SVIL: variants seen among roughly 807,000 people sequenced by gnomAD.
SVIL encodes supervillin.
A neutral mutation model predicts 240.4 loss-of-function variants in SVIL; 101 were observed. The ratio of observed to expected loss-of-function variants is 0.42; its 90% CI spans 0.36 to 0.50. The LOEUF (loss-of-function observed/expected upper bound fraction) is 0.50, where lower values mean the gene tolerates loss of function less well. SVIL is among the 20% of genes least tolerant of loss of function. The pLI is 0.01. For synonymous variants in SVIL, 999 were observed against 1,100.0 expected (o/e 0.91, Z 1.82); for missense variants, 2,512 against 2,818.7 (o/e 0.89, Z 2.46).
At chr10:29,532,433 TGATTCAATGCAGAACACAACACAG>T (rs1951437421) in intron 8 of SVIL, 72 bp downstream of exon 8, 2 of 1,487,064 alleles carry the variant, frequency 1.3e-6, no homozygotes, top group Admixed American at 4.9e-5. Flanking sequence ...TAAGCTAATA[TGATTCAATGCAGAACACAACACAG>T]GTCGAGGAGT....
chr10:29,715,922 C>A (rs1409280428), intron 1 of SVIL, among the ~76,000 whole-genome samples: 1 of 152,214 alleles, frequency 6.6e-6, no homozygotes, highest in African/African-American at 2.4e-5. Flanking sequence ...AACTGAGGAA[C>A]TGAATGTCAA....
chr10:29,689,573 C>T (rs878896347), intron 1 of SVIL, among the ~76,000 whole-genome samples: 9 of 152,338 alleles, frequency 5.9e-5, no homozygotes, highest in Non-Finnish European at 8.8e-5. Context: ...CGCGAGCCAC[C>T]GCGCCCAGCC....
chr10:29,541,925 C>T (rs1207842837), intron 6 of SVIL, among the ~76,000 whole-genome samples: 1 of 152,138 alleles, frequency 6.6e-6, no homozygotes, highest in East Asian at 1.9e-4. Context: ...TACAAGAACC[C>T]CAATCCCAGA....
At chr10:29,674,132 A>G (rs1960021125) in intron 2 of SVIL, among the ~76,000 whole-genome samples, 1 of 152,008 alleles carries the variant, frequency 6.6e-6, no homozygotes, top group Non-Finnish European at 1.5e-5. Context: ...GGAGTTTGAG[A>G]CCAGTCTAGG....
At chr10:29,540,319 GGAGA>G (rs534778552) in intron 6 of SVIL, among the ~76,000 whole-genome samples, 1 of 152,110 alleles carries the variant, frequency 6.6e-6, no homozygotes. Flanking sequence ...GACAGCCTCT[GGAGA>G]GAGAGAGACT....
chr10:29,638,466 CA>C (rs1383425311), upstream of SVIL, among the ~76,000 whole-genome samples: 819 of 127,994 alleles, frequency 6.4e-3, 5 homozygotes, highest in Admixed American at 9.9e-3. Flanking sequence ...AACTCTGTCT[CA>C]AAAAAAAAAA....
intron 1 of SVIL, among the ~76,000 whole-genome samples, chr10:29,694,457 A>G (rs1193065219): frequency 6.6e-6 from 1 of 150,658 alleles, no homozygotes; most frequent in African/African-American, 2.5e-5. Flanking sequence ...AGCATTTCCC[A>G]AAATACAATT....
chr10:29,711,937 A>C (rs1203864311), intron 1 of SVIL: 4 of 146,956 alleles, frequency 2.7e-5, no homozygotes, highest in Non-Finnish European at 6.2e-5. Context: ...GGAATGATAT[A>C]CTAAAATTGG....
intron 1 of SVIL, among the ~76,000 whole-genome samples, chr10:29,589,720 G>GT (rs1956311931): frequency 6.6e-6 from 1 of 152,158 alleles, no homozygotes; most frequent in South Asian, 2.1e-4. Context: ...GGGGTCTGGA[G>GT]TTGCCGAGAG....
chr10:29,654,097 C>T (rs1316255343), intron 3 of SVIL, among the ~76,000 whole-genome samples: 1 of 152,098 alleles, frequency 6.6e-6, no homozygotes, highest in Admixed American at 6.5e-5. Flanking sequence ...AGATTTTTGA[C>T]AGAGATTGCA....
At chr10:29,730,008 T>G (rs1964529066) in intron 1 of SVIL, among the ~76,000 whole-genome samples, 1 of 149,510 alleles carries the variant, frequency 6.7e-6, no homozygotes, top group African/African-American at 2.5e-5. Flanking sequence ...TGGGCAACAT[T>G]TCTCTATAAT....
Position 29,622,249 on chromosome 10 carries a change from CAAAAAAAAAAA to C in SVIL, c.-201+12160_-201+12170del, listed in dbSNP as rs71020801. Among the ~76,000 whole-genome samples, 3 of 51,628 alleles carry C rather than the reference CAAAAAAAAAAA, an allele frequency of 5.8e-5. 1 individual carries two copies. Among genetic ancestry groups the C allele is most frequent in the Admixed American group, 5.6e-4 (2 of 3,588 alleles). The allele number at this position is 51,628 out of a possible 152,430, so 33.9% of individuals were successfully genotyped here. A position where few individuals can be genotyped will look rare whatever the true frequency, so the allele number is the denominator to read the frequency against. On this transcript the variant is annotated intron_variant, in intron 1 of 37. Coordinates refer to ENST00000355867, the MANE Select transcript of SVIL (RefSeq NM_021738.3). ...TGGGCGACAGAGTGAGACTCCGTCT[CAAAAAAAAAAA>C]AAAAAAAAAAAAAAAGAACCTTGGA...
intron 18 of SVIL, 21 bp from the exon 19 acceptor site, chr10:29,495,202 CT>C: frequency 7.4e-7 from 1 of 1,345,948 alleles, no homozygotes; most frequent in Non-Finnish European, 1.0e-6. Flanking sequence ...CACAGACGAG[CT>C]ACTGAGCATC....
In SVIL at chr10:29,487,282, T is replaced by C. The variant is rs1282014179; in HGVS notation, c.4366A>G (p.Thr1456Ala). 1.2e-6 allele frequency: 2 copies of C among 1,613,926 alleles called. No individual in the cohort carries two copies. Among genetic ancestry groups the C allele is most frequent in the African/African-American group, 2.7e-5 (2 of 74,902 alleles). ...GAAGCTCGAGGTTCCACCAGCCTGG[T>C]CTGCACATGTCTTCTTCCTGAACAC... ...LQIKGRRHVQ[T>A]RLVEPRASAL... is the part of the protein sequence containing the mutation. Residue 1456 changes from threonine to alanine, a missense_variant, in exon 24 of 38, where the codon ACC (threonine) becomes GCC (alanine). Physicochemically the swap from Thr to Ala is moderately conservative, Grantham distance 58 (BLOSUM62 0). Around this residue, in one of 3 missense-constraint regions of SVIL, gnomAD observed 272 missense variants for 406.8 expected, o/e 0.67. Transcript: ENST00000355867.
intron 29 of SVIL, 46 bp downstream of exon 29, chr10:29,480,491 C>T (rs372366102): frequency 2.0e-5 from 32 of 1,598,692 alleles, no homozygotes; most frequent in Middle Eastern, 2.3e-4. Flanking sequence ...GCAGGGCTGC[C>T]GGGCCAGCCT....
At chr10:29,576,026 G>A (rs1955680754) in intron 1 of SVIL, 1 of 844,328 alleles carries the variant, frequency 1.2e-6, no homozygotes, top group Non-Finnish European at 1.4e-6. Flanking sequence ...GGGTATAAAT[G>A]TGAGTTACAA....
Position 29,523,744 on chromosome 10 carries a change from G to C in SVIL, c.2870C>G (p.Thr957Arg). The change falls in exon 15 of 38, where the codon ACA (threonine) becomes AGA (arginine). Residue 957 changes from threonine (T) to arginine (R), a missense_variant. Thr to Arg is a moderately conservative substitution (Grantham distance 71). Around this residue, in one of 3 missense-constraint regions of SVIL, gnomAD observed 1,443 missense variants for 1,486.6 expected, o/e 0.97. Coordinates refer to ENST00000355867, the MANE Select transcript of SVIL (RefSeq NM_021738.3). The part of the protein sequence containing the change: ...YGETESKRAL[T>R]GRDSGMEKYG... Reference sequence around the variant, plus strand: ...CTTCTCCATCCCACTGTCTCGACCTGTCAAAGCTCTCTTGCTTTCTGTCTC... The same window carrying C: ...CTTCTCCATCCCACTGTCTCGACCTCTCAAAGCTCTCTTGCTTTCTGTCTC... 1 of 1,614,180 alleles carries C rather than the reference G, an allele frequency of 6.2e-7. No homozygotes were observed. The highest frequency in any genetic ancestry group is 1.3e-5 in the African/African-American group (1 of 75,044).
chr10:29,551,045 C>G lies in SVIL; in HGVS notation c.379G>C (p.Glu127Gln). Reference sequence around the variant, plus strand: ...CGGGATAAATACTCGGAGTCGGCCTCGGGATCCAGAGTCAGCCCATACTTC... The same window carrying G: ...CGGGATAAATACTCGGAGTCGGCCTGGGGATCCAGAGTCAGCCCATACTTC... Reference protein sequence around the residue: ...AEKYGLTLDPEADSEYLSRYT... With the variant: ...AEKYGLTLDPQADSEYLSRYT... The change falls in exon 6 of 38, where the codon GAG (glutamate) becomes CAG (glutamine). Residue 127 changes from glutamate (E) to glutamine (Q), a missense_variant. This residue lies in a region of SVIL where 1,443 missense variants were observed against 1,486.6 expected (regional missense o/e 0.97). Transcript: ENST00000355867. 6.2e-7 allele frequency: 1 copy of G among 1,614,146 alleles called. No individual in the cohort carries two copies. The highest frequency in any genetic ancestry group is 8.5e-7 in the Non-Finnish European group (1 of 1,180,032).
chr10:29,645,486 C>T (rs1011723773), intron 3 of SVIL, among the ~76,000 whole-genome samples: 7 of 152,148 alleles, frequency 4.6e-5, no homozygotes, highest in African/African-American at 1.7e-4. Context: ...AGGAGGGTTG[C>T]TTGAACCCGG....
Sources: gnomAD v4.1 joint callset for allele counts (sites outside exome capture counted in the v4.1 genomes callset) on GRCh38, gnomAD v4.1.1 for gene constraint, gnomAD v4.1.1 regional missense constraint, MANE v1.5 for transcripts, NCBI Gene and HGNC (gene_info 2026-07-23, HGNC 2026-07-21) for gene names.